MPZL1: variants seen among roughly 807,000 people sequenced by gnomAD.
MPZL1 encodes the protein myelin protein zero-like protein 1.
Under a neutral mutation model 29.3 loss-of-function variants are expected in MPZL1, and 16 were observed. The ratio of observed to expected loss-of-function variants is 0.55; its 90% CI spans 0.37 to 0.83. MPZL1 has a LOEUF of 0.83. Ranked by LOEUF, MPZL1 falls within the 40% of genes least tolerant of loss-of-function variation. MPZL1 has a pLI of 0.00. For synonymous variants in MPZL1, 143 were observed against 132.0 expected, an observed-to-expected ratio of 1.08 and a Z score of -0.57; for missense variants, 279 against 332.9, an observed-to-expected ratio of 0.84 and a Z score of 1.26.
intron 1 of MPZL1, among the ~76,000 whole-genome samples, chr1:167,741,330 C>CTTTT (rs57675541): frequency 7.6e-6 from 1 of 132,106 alleles, no homozygotes; most frequent in Admixed American, 7.7e-5. Context: ...CCTGCAGTCA[C>CTTTT]TTTTTTTTTT....
intron 1 of MPZL1, among the ~76,000 whole-genome samples, chr1:167,759,871 G>T (rs547778044): frequency 6.6e-6 from 1 of 152,154 alleles, no homozygotes; most frequent in South Asian, 2.1e-4. Context: ...TATTTGAGGG[G>T]GTCAGGGTAG....
At chr1:167,776,188 G>C (rs1228890810) in intron 5 of MPZL1, 22 bp downstream of exon 5, 3 of 1,561,624 alleles carry the variant, frequency 1.9e-6, no homozygotes, top group Non-Finnish European at 1.8e-6. Flanking sequence ...TTGCGATTCT[G>C]CCCACTGCAC....
chr1:167,747,021 T>C (rs1353083411), intron 1 of MPZL1, among the ~76,000 whole-genome samples: 1 of 152,140 alleles, frequency 6.6e-6, no homozygotes, highest in African/African-American at 2.4e-5. Flanking sequence ...CTGAGATATA[T>C]AGAGAGTTAG....
At chr1:167,758,560 G>C (rs1558118004) in intron 1 of MPZL1, among the ~76,000 whole-genome samples, 1 of 151,268 alleles carries the variant, frequency 6.6e-6, no homozygotes. Context: ...GAAATGTTCT[G>C]GTTGTCCATC....
Position 167,749,095 on chromosome 1 carries a change from T to C in MPZL1, c.92-16488T>C, listed in dbSNP as rs566752048. On this transcript the variant is annotated intron_variant, in intron 1 of 5. Transcript: ENST00000359523. ...GGCAACTCATGCTATTCAGAAGCCC[T>C]GGAATAAATCCCAGTCCTTTGGGTA... 3.9e-5 allele frequency among the ~76,000 whole-genome samples: 6 copies of C among 152,338 alleles called. No individual in the cohort carries two copies. The South Asian group carries it at 1.2e-3, about 32-fold the overall frequency.
At chr1:167,769,952 T>G (rs16859631) in intron 2 of MPZL1, among the ~76,000 whole-genome samples, 5,441 of 152,238 alleles carry the variant, frequency 0.036, 143 homozygotes, top group Middle Eastern at 0.1. Flanking sequence ...GAATCAAGGA[T>G]GACTTCAAGA....
chr1:167,787,769 A>G, intron 5 of MPZL1, 51 bp from the exon 6 acceptor site: 1 of 1,394,848 alleles, frequency 7.2e-7, no homozygotes, highest in Non-Finnish European at 1.0e-6. Flanking sequence ...CTGTAGCTGA[A>G]GGAACCGCCA....
At chr1:167,722,857 G>A (rs1660066834) in intron 1 of MPZL1, among the ~76,000 whole-genome samples, 1 of 152,190 alleles carries the variant, frequency 6.6e-6, no homozygotes, top group Admixed American at 6.5e-5. Flanking sequence ...AATGCAAAGA[G>A]CTTGGAATAC....
intron 2 of MPZL1, among the ~76,000 whole-genome samples, chr1:167,769,565 C>A (rs878867678): frequency 6.6e-6 from 1 of 152,182 alleles, no homozygotes; most frequent in Non-Finnish European, 1.5e-5. Flanking sequence ...TCTGAGTCTT[C>A]TTCATGGGAG....
chr1:167,784,157 A>G (rs1022796785), intron 5 of MPZL1, among the ~76,000 whole-genome samples: 12 of 152,288 alleles, frequency 7.9e-5, no homozygotes, highest in Non-Finnish European at 1.6e-4. Context: ...TTATTGGAAT[A>G]AATAATTAAT....
chr1:167,741,025 G>A (rs912618475), intron 1 of MPZL1, among the ~76,000 whole-genome samples: 1 of 151,918 alleles, frequency 6.6e-6, no homozygotes, highest in African/African-American at 2.4e-5. Context: ...TCACTTCTTT[G>A]GTTTTTGTTT....
chr1:167,765,678 A>G lies in MPZL1; in HGVS notation c.187A>G (p.Thr63Ala), dbSNP rs749557484. Reference sequence around the variant, plus strand: ...GAAGCTGACCTGCAAGTTCAAGTCTACTAGTACGACTGGCGGGTTGACCTC... The same window carrying G: ...GAAGCTGACCTGCAAGTTCAAGTCTGCTAGTACGACTGGCGGGTTGACCTC... ...QGKLTCKFKS[T>A]STTGGLTSVS... Residue 63 changes from threonine (T) to alanine (A), a missense_variant, in exon 2 of 6, where the codon ACT becomes GCT. Transcript: ENST00000359523. 4.3e-6 allele frequency: 7 copies of G among 1,613,526 alleles called. 1 individual carries two copies. In the South Asian group the frequency reaches 6.6e-5, roughly 15 times the overall value.
chr1:167,744,222 C>T (rs1253588459), intron 1 of MPZL1, among the ~76,000 whole-genome samples: 2 of 152,074 alleles, frequency 1.3e-5, no homozygotes, highest in African/African-American at 4.8e-5. Flanking sequence ...CCACATCACT[C>T]TTTCTTGTCT....
chr1:167,788,017 CAGG>C lies in MPZL1; in HGVS notation c.*97_*99del. 2.2e-6 allele frequency: 2 copies of C among 921,576 alleles called. No individual in the cohort carries two copies. The highest frequency in any genetic ancestry group is 3.5e-6 in the Non-Finnish European group (2 of 569,266). 57.1% of individuals were successfully genotyped at this position (921,576 alleles called of 1,614,324 possible). On this transcript the variant is annotated 3_prime_UTR_variant, in exon 6 of 6. Coordinates refer to ENST00000359523, the MANE Select transcript of MPZL1 (RefSeq NM_003953.6). ...ATTACCACATGTAGCCTTGGAGACC[CAGG>C]CAAGGACAAGTACACGTGTACTCAC...
rs1661656802 is a variant in MPZL1 at position 167,789,243 on chromosome 1, G to A, written c.*1322G>A. On this transcript the variant is annotated 3_prime_UTR_variant, in exon 6 of 6. Coordinates refer to ENST00000359523, the MANE Select transcript of MPZL1 (RefSeq NM_003953.6). ...TACTGGGAATGGAAAGTGTGGTGAAGATCATTCAACACTTATGTTGTCATT... is the reference window on the plus strand; with the variant it reads ...TACTGGGAATGGAAAGTGTGGTGAAAATCATTCAACACTTATGTTGTCATT... The A allele has an allele frequency of 6.6e-6, 1 of 152,112 alleles. No homozygotes were observed. The highest frequency in any genetic ancestry group is 6.5e-5 in the Admixed American group (1 of 15,272). The allele number at this position is 152,112 out of a possible 1,614,324, so 9.4% of individuals were successfully genotyped here. A position where few individuals can be genotyped will look rare whatever the true frequency, so the allele number is the denominator to read the frequency against.
intron 1 of MPZL1, among the ~76,000 whole-genome samples, chr1:167,737,659 C>T (rs1660403068): frequency 6.6e-6 from 1 of 152,174 alleles, no homozygotes; most frequent in Admixed American, 6.5e-5. Flanking sequence ...ATCAAGCTAT[C>T]ATAGCCTAAA....
Position 167,772,158 on chromosome 1 carries a change from A to G in MPZL1, c.259-117A>G, listed in dbSNP as rs946039932. ...GAGGGGGAGAGGGAGAGGGAGAGAG[A>G]TGTTGCATTTCTTTCCGTATGAAGT... On this transcript the variant is annotated intron_variant, in intron 2 of 5. Coordinates refer to ENST00000359523, the MANE Select transcript of MPZL1 (RefSeq NM_003953.6). 5.1e-6 allele frequency: 4 copies of G among 789,122 alleles called. No homozygotes were observed. The African/African-American group carries it at 7.0e-5, about 14-fold the overall frequency. The allele number at this position is 789,122 out of a possible 1,614,324, so 48.9% of individuals were successfully genotyped here.
chr1:167,736,290 T>C (rs1660376154), intron 1 of MPZL1, among the ~76,000 whole-genome samples: 2 of 152,218 alleles, frequency 1.3e-5, no homozygotes, highest in Admixed American at 1.3e-4. Flanking sequence ...TTTTGTCTGT[T>C]TGTTGACAGT....
chr1:167,752,595 A>T (rs1660781178), intron 1 of MPZL1, among the ~76,000 whole-genome samples: 1 of 152,230 alleles, frequency 6.6e-6, no homozygotes. Flanking sequence ...TAAAGCCAGC[A>T]TCTCAATAGG....
Sources: gnomAD v4.1 joint callset for allele counts (sites outside exome capture counted in the v4.1 genomes callset) on GRCh38, gnomAD v4.1.1 for gene constraint, MANE v1.5 for transcripts, NCBI Gene and HGNC (gene_info 2026-07-23, HGNC 2026-07-21) for gene names.